Variants in PLEKHM2 observed in about 807,000 individuals in gnomAD.
The protein encoded by PLEKHM2 is pleckstrin homology domain-containing family M member 2.
Under a neutral mutation model 116.3 loss-of-function variants are expected in PLEKHM2, and 77 were observed. The ratio of observed to expected loss-of-function variants is 0.66; its 90% CI spans 0.55 to 0.80. The LOEUF is 0.80. PLEKHM2 is among the 30% of genes least tolerant of loss of function. PLEKHM2 has a pLI of 0.00. For synonymous variants in PLEKHM2, 562 were observed against 571.0 expected (o/e 0.98, Z 0.22); for missense variants, 1,183 against 1,354.9 (o/e 0.87, Z 1.99).
rs1219505766 is a variant in PLEKHM2 at position 15,726,893 on chromosome 1, C to G, written c.942-121C>G. Reference sequence around the variant, plus strand: ...CTCCACCCAGCACTGCCTAGGACCACTGACGCACTAGCTGTGCCCTCAGAG... The same window carrying G: ...CTCCACCCAGCACTGCCTAGGACCAGTGACGCACTAGCTGTGCCCTCAGAG... On this transcript the variant is annotated intron_variant, in intron 8 of 19. Transcript: ENST00000375799. 4 of 645,034 alleles carry G rather than the reference C, an allele frequency of 6.2e-6. No individual in the cohort carries two copies. In the African/African-American group the frequency reaches 7.4e-5, roughly 12 times the overall value. 40.0% of individuals were successfully genotyped at this position (645,034 alleles called of 1,614,324 possible).
At chr1:15,684,862 C>G (rs1314630694) in intron 1 of PLEKHM2, among the ~76,000 whole-genome samples, 3 of 152,078 alleles carry the variant, frequency 2.0e-5, no homozygotes, top group African/African-American at 7.2e-5. Flanking sequence ...CAAACCTGGC[C>G]CGGGGCCCTG....
chr1:15,720,064 A>T (rs2067970702), intron 6 of PLEKHM2, 144 bp downstream of exon 6: 1 of 601,126 alleles, frequency 1.7e-6, no homozygotes. Context: ...CATTTCCCAG[A>T]TCTTCATCTC....
intron 1 of PLEKHM2, among the ~76,000 whole-genome samples, chr1:15,693,319 G>A (rs1474651512): frequency 6.6e-6 from 1 of 152,244 alleles, no homozygotes; most frequent in African/African-American, 2.4e-5. Context: ...GGGATTACAG[G>A]CATGAGCCAT....
chr1:15,719,407 C>T lies in PLEKHM2; in HGVS notation c.466-327C>T, dbSNP rs1043498890. Among the ~76,000 whole-genome samples the T allele has an allele frequency of 3.3e-5, 5 of 151,560 alleles. No homozygotes were observed. Among genetic ancestry groups the T allele is most frequent in the African/African-American group, 1.2e-4 (5 of 41,182 alleles). The stretch of plus-strand genomic sequence containing the variant: ...GTGGAAGTTGCAGTGAGCCGAGCCA[C>T]GTCATTGCACTCCAGCCAGGGCAAC... On this transcript the variant is annotated intron_variant, in intron 5 of 19. Coordinates refer to ENST00000375799, the MANE Select transcript of PLEKHM2 (RefSeq NM_015164.4). This position sits in a 1 kb window ranked among gnomAD's most constrained non-coding sequence, Gnocchi z 4.1.
intron 8 of PLEKHM2, chr1:15,725,953 C>A: frequency 5.2e-6 from 1 of 193,138 alleles, no homozygotes; most frequent in Non-Finnish European, 1.1e-5. Context: ...GAGGATCCCA[C>A]CCTCAGGACC....
chr1:15,705,900 G>T (rs1273003572), intron 1 of PLEKHM2, among the ~76,000 whole-genome samples: 1 of 152,112 alleles, frequency 6.6e-6, no homozygotes, highest in African/African-American at 2.4e-5. Flanking sequence ...AGACCAATCT[G>T]GGCAACATGA....
At chr1:15,689,001 C>T (rs1014064281) in intron 1 of PLEKHM2, among the ~76,000 whole-genome samples, 1 of 152,124 alleles carries the variant, frequency 6.6e-6, no homozygotes, top group Non-Finnish European at 1.5e-5. Context: ...GTAACCCCAA[C>T]ACTTTGGGAG....
intron 14 of PLEKHM2, 83 bp from the exon 15 acceptor site, chr1:15,730,449 A>C: frequency 8.3e-7 from 1 of 1,209,082 alleles, no homozygotes; most frequent in Non-Finnish European, 1.1e-6. Context: ...CTCAAAAAGA[A>C]AAAAAAAGAA....
intron 1 of PLEKHM2, among the ~76,000 whole-genome samples, chr1:15,714,389 G>A (rs553407553): frequency 1.4e-5 from 2 of 146,640 alleles, no homozygotes; most frequent in South Asian, 2.2e-4. Flanking sequence ...CAGTGTGGTC[G>A]TACTTAATAC....
At chr1:15,693,378 A>G (rs1640926635) in intron 1 of PLEKHM2, among the ~76,000 whole-genome samples, 1 of 152,172 alleles carries the variant, frequency 6.6e-6, no homozygotes, top group African/African-American at 2.4e-5. Flanking sequence ...TTCTCCTTTT[A>G]CGAAATGCTT....
chr1:15,731,139 C>T, intron 15 of PLEKHM2, 53 bp from the exon 16 acceptor site: 1 of 1,379,408 alleles, frequency 7.2e-7, no homozygotes, highest in Non-Finnish European at 1.0e-6. Context: ...TGGGCTCCGC[C>T]TGGCCCCAGT....
chr1:15,693,071 C>T (rs1210513463), intron 1 of PLEKHM2, among the ~76,000 whole-genome samples: 3 of 142,138 alleles, frequency 2.1e-5, no homozygotes, highest in African/African-American at 7.9e-5. Context: ...GACAAAGTCT[C>T]TCTCCGTTGC....
rs377690119 is a variant in PLEKHM2, at chr1:15,728,718, A to G, written c.1971A>G (p.Glu657=). The change falls in exon 12 of 20, where the codon GAA becomes GAG. Residue 657 remains glutamate, a synonymous_variant. Coordinates refer to ENST00000375799, the MANE Select transcript of PLEKHM2 (RefSeq NM_015164.4). The surrounding 1 kb of genome is among the most constrained non-coding windows in gnomAD (Gnocchi z 5.9). ...TGGAAGAGGCCGTTTCTTACAATGA[A>G]CTTGACTATGTGTCGGTGAGTCCAG... ...YLVEEAVSYN[E]LDYVSVGLDQ... is the part of the protein sequence containing the mutation. The G allele has an allele frequency of 1.6e-5, 25 of 1,610,466 alleles. No individual in the cohort carries two copies. The highest frequency in any genetic ancestry group is 1.6e-4 in the Middle Eastern group (1 of 6,080).
intron 1 of PLEKHM2, among the ~76,000 whole-genome samples, chr1:15,690,895 C>G (rs1283144699): frequency 6.6e-6 from 1 of 152,144 alleles, no homozygotes; most frequent in East Asian, 1.9e-4. Flanking sequence ...AATTCGTAGA[C>G]AAATACAGAG....
At position 15,719,634 on chromosome 1, in the gene PLEKHM2, A is replaced by C; in HGVS notation, c.466-100A>C. 1 of 714,894 alleles carries C rather than the reference A, an allele frequency of 1.4e-6. No individual in the cohort carries two copies. 44.3% of individuals were successfully genotyped at this position (714,894 alleles called of 1,614,324 possible). The stretch of plus-strand genomic sequence containing the variant: ...ACTACCTTAAGCCATTGATTTCCCA[A>C]AGAGGCACATCTGTGTCTCCCAGGC... On this transcript the variant is annotated intron_variant, in intron 5 of 19. Coordinates refer to ENST00000375799, the MANE Select transcript of PLEKHM2 (RefSeq NM_015164.4). The surrounding 1 kb of genome is among the most constrained non-coding windows in gnomAD (Gnocchi z 4.1).
rs1006854566 is a variant in PLEKHM2, at chr1:15,729,482, C to T, written c.2075+292C>T. On this transcript the variant is annotated intron_variant, in intron 13 of 19. Coordinates refer to ENST00000375799, the MANE Select transcript of PLEKHM2 (RefSeq NM_015164.4). The surrounding 1 kb of genome is among the most constrained non-coding windows in gnomAD (Gnocchi z 4.7). ...AGCCATGCTGCTGGGCCAGGCGTGC[C>T]CTTGAACGCCTGCATCCTTGTCGTG... Among the ~76,000 whole-genome samples the T allele has an allele frequency of 1.3e-5, 2 of 152,122 alleles. No homozygotes were observed. The highest frequency in any genetic ancestry group is 4.8e-5 in the African/African-American group (2 of 41,428).
rs746122788 is a variant in PLEKHM2, at chr1:15,684,564, G to A, written c.6G>A (p.Glu2=). The stretch of plus-strand genomic sequence containing the variant: ...GCGGCGACGGTGGCAGCGCCATGGA[G>A]CCGGGGGAGGTGAAGGACCGGATCC... M[E]PGEVKDRILE... Residue 2 remains glutamate, a synonymous_variant, in exon 1 of 20, where the codon GAG becomes GAA. Transcript: ENST00000375799. The A allele has an allele frequency of 1.0e-5, 13 of 1,286,874 alleles. No homozygotes were observed. The highest frequency in any genetic ancestry group is 2.2e-4 in the Middle Eastern group (1 of 4,574). The allele number at this position is 1,286,874 out of a possible 1,614,324, so 79.7% of individuals were successfully genotyped here. A position where few individuals can be genotyped will look rare whatever the true frequency, so the allele number is the denominator to read the frequency against.
At chr1:15,725,659 G>A (rs777567654) in intron 8 of PLEKHM2, 114 bp downstream of exon 8, 1 of 729,340 alleles carries the variant, frequency 1.4e-6, no homozygotes, top group African/African-American at 1.8e-5. Context: ...GCAGTTGCAT[G>A]CCTTCCTGGA....
At chr1:15,730,199 G>C (rs931214362) in intron 14 of PLEKHM2, among the ~76,000 whole-genome samples, 2 of 152,228 alleles carry the variant, frequency 1.3e-5, no homozygotes, top group Non-Finnish European at 2.9e-5. Flanking sequence ...CCAGCACTTT[G>C]GGAGGCCAAG....
Sources: gnomAD v4.1 joint callset for allele counts (sites outside exome capture counted in the v4.1 genomes callset) on GRCh38, gnomAD v4.1.1 for gene constraint, Gnocchi (gnomAD v3.1) non-coding constraint, MANE v1.5 for transcripts, NCBI Gene and HGNC (gene_info 2026-07-23, HGNC 2026-07-21) for gene names.